The following MYRF variants were observed in gnomAD, a reference collection of about 807,000 sequenced individuals.
The protein encoded by MYRF is myelin gene regulatory factor.
Under a neutral mutation model 126.3 loss-of-function variants are expected in MYRF, and 16 were observed. The ratio of observed to expected loss-of-function variants is 0.13; its 90% CI spans 0.09 to 0.19. MYRF has a LOEUF of 0.19. Among genes scored for constraint, MYRF ranks in the 10% least tolerant of loss-of-function variants. MYRF has a pLI of 1.00. For missense variants in MYRF, 1,104 were observed against 1,547.0 expected, an observed-to-expected ratio of 0.71 and a Z score of 4.80; for synonymous variants, 608 against 635.3, an observed-to-expected ratio of 0.96 and a Z score of 0.65.
Position 61,771,883 on chromosome 11 carries a change from A to C in MYRF, c.1046A>C (p.Gln349Pro). ...GGCTCCTACCTGGACCCCAACTACC[A>C]GTCCATCAAGTGGCAGCCTCATCAG... ...LSGSYLDPNYQSIKWQPHQQN... is the reference protein window; with the variant it reads ...LSGSYLDPNYPSIKWQPHQQN... Residue 349 changes from glutamine (Q) to proline (P), a missense_variant, in exon 7 of 27, where the codon CAG (glutamine) becomes CCG (proline). Coordinates refer to ENST00000278836, the MANE Select transcript of MYRF (RefSeq NM_001127392.3). 1 of 1,614,130 alleles carries C rather than the reference A, an allele frequency of 6.2e-7. No homozygotes were observed. Among genetic ancestry groups the C allele is most frequent in the Middle Eastern group, 1.6e-4 (1 of 6,062 alleles).
At chr11:61,785,655 T>C in intron 25 of MYRF, 145 bp from the exon 26 acceptor site, 1 of 673,976 alleles carries the variant, frequency 1.5e-6, no homozygotes. Context: ...AAGCAGAACA[T>C]GCTCCTTCCT....
In MYRF at chr11:61,770,415, G is replaced by T. The variant is rs1005183321; in HGVS notation, c.630G>T (p.Glu210Asp). Residue 210 changes from glutamate (E) to aspartate (D), a missense_variant, in exon 5 of 27, where the codon GAG becomes GAT. This residue lies in a region of MYRF where 368 missense variants were observed against 403.9 expected (regional missense o/e 0.91). Transcript: ENST00000278836. ...VLQRDLYMKAEPPIPHYAAMG... is the reference protein window; with the variant it reads ...VLQRDLYMKADPPIPHYAAMG... Reference sequence around the variant, plus strand: ...AGCGGGATCTGTACATGAAGGCCGAGCCCCCGATCCCCCACTACGCTGCCA... The same window carrying T: ...AGCGGGATCTGTACATGAAGGCCGATCCCCCGATCCCCCACTACGCTGCCA... The T allele has an allele frequency of 1.5e-5, 23 of 1,545,686 alleles. No homozygotes were observed. The highest frequency in any genetic ancestry group is 1.9e-5 in the Non-Finnish European group (22 of 1,143,946).
At chr11:61,761,953 C>T (rs2065913462) in intron 1 of MYRF, among the ~76,000 whole-genome samples, 1 of 152,198 alleles carries the variant, frequency 6.6e-6, no homozygotes, top group African/African-American at 2.4e-5. Flanking sequence ...ACTCATCCTG[C>T]CCAGCGGGGT....
chr11:61,779,668 C>T (rs1177205906), intron 16 of MYRF, 98 bp downstream of exon 16: 5 of 1,264,184 alleles, frequency 4.0e-6, no homozygotes, highest in Non-Finnish European at 5.4e-6. Flanking sequence ...GCCTCTGGTG[C>T]TTCCCTCTCC....
Position 61,776,027 on chromosome 11 carries a change from T to C in MYRF, c.1312-29T>C, listed in dbSNP as rs174528. 620,788 of 1,610,424 alleles carry C rather than the reference T, an allele frequency of 0.39. 125,848 individuals carry two copies. The highest frequency in any genetic ancestry group is 0.66 in the Admixed American group (39,785 of 59,942). On this transcript the variant is annotated intron_variant, in intron 8 of 26. Transcript: ENST00000278836. The surrounding 1 kb of genome is among the most constrained non-coding windows in gnomAD (Gnocchi z 4.3). ...CAGGACCAGCCGGGTAGCCCCATCC[T>C]GAGGTGCCACTGGCTTCACTCCCCA...
rs753746485 is a variant in MYRF at position 61,786,084 on chromosome 11, G to C, written c.3397G>C (p.Glu1133Gln). 8.1e-6 allele frequency: 13 copies of C among 1,614,206 alleles called. No individual in the cohort carries two copies. The highest frequency in any genetic ancestry group is 1.0e-5 in the Non-Finnish European group (12 of 1,180,024). Residue 1133 changes from glutamate to glutamine, a missense_variant, in exon 27 of 27, where the codon GAG (glutamate) becomes CAG (glutamine). Glu to Gln is a conservative substitution (Grantham distance 29). Coordinates refer to ENST00000278836, the MANE Select transcript of MYRF (RefSeq NM_001127392.3). The surrounding 1 kb of genome is among the most constrained non-coding windows in gnomAD (Gnocchi z 4.5). The stretch of plus-strand genomic sequence containing the variant: ...CCAGGGTCAGGCCAACTGCAGTTCA[G>C]AGGCTCTCGCCCAGCCAGCCACAGA... ...ALLGQANCSS[E>Q]ALAQPATDYH...
intron 7 of MYRF, among the ~76,000 whole-genome samples, chr11:61,773,297 T>C (rs1044021380): frequency 6.6e-5 from 10 of 152,184 alleles, no homozygotes; most frequent in Admixed American, 5.2e-4. Context: ...CCAGTTGCTC[T>C]TTTTACTGTC....
rs1269715979 is a variant in MYRF at position 61,777,333 on chromosome 11, G to A, written c.1660G>A (p.Val554Ile). ...LWQRAQVPDT[V>I]FHHGRVGINT... The stretch of plus-strand genomic sequence containing the variant: ...GCAGCGGGCACAGGTGCCCGACACC[G>A]TCTTCCACCACGGCCGCGTGGGCAT... The change falls in exon 12 of 27, where the codon GTC becomes ATC. Residue 554 changes from valine to isoleucine, a missense_variant. Val to Ile is a conservative substitution (Grantham distance 29, BLOSUM62 3). Transcript: ENST00000278836. This position sits in a 1 kb window ranked among gnomAD's most constrained non-coding sequence, Gnocchi z 8.8. 6.2e-7 allele frequency: 1 copy of A among 1,613,590 alleles called. No individual in the cohort carries two copies. Among genetic ancestry groups the A allele is most frequent in the Non-Finnish European group, 8.5e-7 (1 of 1,180,046 alleles).
Position 61,786,090 on chromosome 11 carries a change from C to T in MYRF, c.3403C>T (p.Leu1135Phe). Residue 1135 changes from leucine (L) to phenylalanine (F), a missense_variant, in exon 27 of 27, where the codon CTC (leucine) becomes TTC (phenylalanine). This residue lies in a region of MYRF where 94 missense variants were observed against 164.6 expected (regional missense o/e 0.57). Transcript: ENST00000278836. This position sits in a 1 kb window ranked among gnomAD's most constrained non-coding sequence, Gnocchi z 4.5. ...TCAGGCCAACTGCAGTTCAGAGGCTCTCGCCCAGCCAGCCACAGACTACCA... is the reference window on the plus strand; with the variant it reads ...TCAGGCCAACTGCAGTTCAGAGGCTTTCGCCCAGCCAGCCACAGACTACCA... ...LGQANCSSEALAQPATDYHFH... is the reference protein window; with the variant it reads ...LGQANCSSEAFAQPATDYHFH... 1 of 1,614,222 alleles carries T rather than the reference C, an allele frequency of 6.2e-7. No homozygotes were observed. The highest frequency in any genetic ancestry group is 1.6e-4 in the Middle Eastern group (1 of 6,062).
intron 22 of MYRF, 145 bp downstream of exon 22, chr11:61,781,969 C>G (rs2066564825): frequency 9.9e-7 from 1 of 1,006,416 alleles, no homozygotes; most frequent in Non-Finnish European, 1.4e-6. Context: ...GATCAGGAAT[C>G]AGGCCTGCAG....
chr11:61,772,887 G>A (rs973202599), intron 7 of MYRF, among the ~76,000 whole-genome samples: 1 of 152,306 alleles, frequency 6.6e-6, no homozygotes, highest in Admixed American at 6.5e-5. Context: ...CTTCCCACAA[G>A]TTTGGAAGCA....
chr11:61,766,949 C>G, intron 3 of MYRF: 1 of 452,268 alleles, frequency 2.2e-6, no homozygotes, highest in South Asian at 1.6e-5. Flanking sequence ...GTTCAGACAG[C>G]CTGGCTCCAA....
Position 61,776,036 on chromosome 11 carries a change from A to G in MYRF, c.1312-20A>G. 2 of 1,613,364 alleles carry G rather than the reference A, an allele frequency of 1.2e-6. No individual in the cohort carries two copies. Among genetic ancestry groups the G allele is most frequent in the South Asian group, 2.2e-5 (2 of 91,070 alleles). On this transcript the variant is annotated intron_variant, in intron 8 of 26. Coordinates refer to ENST00000278836, the MANE Select transcript of MYRF (RefSeq NM_001127392.3). The surrounding 1 kb of genome is among the most constrained non-coding windows in gnomAD (Gnocchi z 4.3). ...CCGGGTAGCCCCATCCTGAGGTGCC[A>G]CTGGCTTCACTCCCCACAGCTGGAG...
chr11:61,755,747 G>A (rs2065734211), intron 1 of MYRF: 2 of 616,732 alleles, frequency 3.2e-6, no homozygotes, highest in Admixed American at 2.1e-5. Context: ...TGGAAGGGGT[G>A]CCTGCTGGCC....
chr11:61,765,675 C>T lies in MYRF; in HGVS notation c.97C>T (p.Leu33=), dbSNP rs1458677905. The change falls in exon 2 of 27, where the codon CTG becomes TTG. Residue 33 remains leucine (L), a synonymous_variant. Coordinates refer to ENST00000278836, the MANE Select transcript of MYRF (RefSeq NM_001127392.3). Reference sequence around the variant, plus strand: ...GCCCTCCAACATAGACACCAGCATCCTGGAGGAGTACATCAGCAAGGAGGA... The same window carrying T: ...GCCCTCCAACATAGACACCAGCATCTTGGAGGAGTACATCAGCAAGGAGGA... The part of the protein sequence containing the change: ...LEPSNIDTSI[L]EEYISKEDAS... 6.2e-7 allele frequency: 1 copy of T among 1,613,008 alleles called. No individual in the cohort carries two copies. The highest frequency in any genetic ancestry group is 1.3e-5 in the African/African-American group (1 of 74,900).
At position 61,783,292 on chromosome 11, in the gene MYRF, C is replaced by T. The variant is rs1031988870; in HGVS notation, c.3017-206C>T. ...GGGTGTTCCAGTTCTTTTGAGGAGG[C>T]AGACGTCAGGCTCATGGGAACTGGG... On this transcript the variant is annotated intron_variant, in intron 22 of 26. Transcript: ENST00000278836. The surrounding 1 kb of genome is among the most constrained non-coding windows in gnomAD (Gnocchi z 4.6). 2.2e-6 allele frequency: 1 copy of T among 464,254 alleles called. No homozygotes were observed. Among genetic ancestry groups the T allele is most frequent in the African/African-American group, 1.9e-5 (1 of 51,456 alleles). The allele number at this position is 464,254 out of a possible 1,614,324, so 28.8% of individuals were successfully genotyped here.
rs572657080 is a variant in MYRF at position 61,777,428 on chromosome 11, C to T, written c.1755C>T (p.His585=). 2 of 1,613,408 alleles carry T rather than the reference C, an allele frequency of 1.2e-6. No individual in the cohort carries two copies. The highest frequency in any genetic ancestry group is 1.3e-5 in the African/African-American group (1 of 75,044). The change falls in exon 12 of 27, where the codon CAC becomes CAT. Residue 585 remains histidine (H), a synonymous_variant. Transcript: ENST00000278836. This position sits in a 1 kb window ranked among gnomAD's most constrained non-coding sequence, Gnocchi z 8.8. Reference sequence around the variant, plus strand: ...TCAAGGTCATGGGCTCGCTTATGCACCCCTCCGACCTGCGCGCCAAGGAAC... The same window carrying T: ...TCAAGGTCATGGGCTCGCTTATGCATCCCTCCGACCTGCGCGCCAAGGAAC... ...GNVKVMGSLM[H]PSDLRAKEHV...
chr11:61,779,750 C>A, intron 16 of MYRF, 92 bp from the exon 17 acceptor site: 1 of 1,321,838 alleles, frequency 7.6e-7, no homozygotes. Context: ...TGGGGCACCC[C>A]CTTAACCGCT....
intron 1 of MYRF, among the ~76,000 whole-genome samples, chr11:61,761,408 G>T (rs1020904940): frequency 4.6e-5 from 7 of 152,202 alleles, no homozygotes; most frequent in African/African-American, 1.7e-4. Context: ...TTAAGGAGAC[G>T]AGGAGAGAAG....
Sources: allele counts gnomAD v4.1 joint callset (sites outside exome capture counted in the v4.1 genomes callset), GRCh38; gene constraint gnomAD v4.1.1; regional missense constraint gnomAD v4.1.1; non-coding constraint Gnocchi (gnomAD v3.1); transcripts MANE v1.5; gene names NCBI Gene and HGNC (gene_info 2026-07-23, HGNC 2026-07-21).